Variants in CTNNA2 observed in about 807,000 individuals in gnomAD.
CTNNA2 encodes catenin alpha-2.
CTNNA2 carries 42 observed loss-of-function variants against 101.0 expected under a neutral mutation model. The observed-to-expected ratio is 0.42, with a 90% CI of 0.32 to 0.54. The LOEUF (loss-of-function observed/expected upper bound fraction) is 0.54. Ranked by LOEUF, CTNNA2 falls within the 20% of genes least tolerant of loss-of-function variation. The pLI is 0.14. For synonymous variants in CTNNA2, 450 were observed against 456.4 expected, an observed-to-expected ratio of 0.99 and a Z score of 0.18; for missense variants, 871 against 1,223.1, an observed-to-expected ratio of 0.71 and a Z score of 4.29.
At chr2:79,414,297 A>G (rs1001202160) in intron 4 of CTNNA2, among the ~76,000 whole-genome samples, 3 of 152,048 alleles carry the variant, frequency 2.0e-5, no homozygotes, top group Admixed American at 2.0e-4. Flanking sequence ...ATGGTAAGGG[A>G]ATTAAGCATG....
At position 79,870,153 on chromosome 2, in the gene CTNNA2, T is replaced by C. The variant is rs3755095; in HGVS notation, c.585+218T>C. 0.24 allele frequency among the ~76,000 whole-genome samples: 35,748 copies of C among 152,020 alleles called. 6,341 individuals are homozygous for C. The highest frequency in any genetic ancestry group is 0.65 in the East Asian group (3,363 of 5,142). Reference sequence around the variant, plus strand: ...CCACCTATAAGCAGGCCACAGATTATTTGCTTCACTGGTGGACCCACCCTG... The same window carrying C: ...CCACCTATAAGCAGGCCACAGATTACTTGCTTCACTGGTGGACCCACCCTG... On this transcript the variant is annotated intron_variant, in intron 5 of 18. Transcript: ENST00000402739.
At chr2:79,523,269 T>TG in intron 1 of CTNNA2, 1 of 449,860 alleles carries the variant, frequency 2.2e-6, no homozygotes, top group South Asian at 1.6e-5. Context: ...AGATTGATTT[T>TG]GGGGGCCCCA....
intron 18 of CTNNA2, among the ~76,000 whole-genome samples, chr2:80,620,889 C>T (rs532952381): frequency 1.3e-5 from 2 of 152,042 alleles, no homozygotes; most frequent in African/African-American, 4.8e-5. Flanking sequence ...TGCGCTTGTG[C>T]AAATTCAGAG....
At chr2:79,842,542 T>C (rs1289730665) in intron 3 of CTNNA2, among the ~76,000 whole-genome samples, 1 of 152,192 alleles carries the variant, frequency 6.6e-6, no homozygotes. Context: ...CCTTGTGTTA[T>C]AAGTTTTTCT....
chr2:80,619,481 C>T (rs1435212914), intron 18 of CTNNA2, among the ~76,000 whole-genome samples: 1 of 151,836 alleles, frequency 6.6e-6, no homozygotes, highest in Non-Finnish European at 1.5e-5. Context: ...TCTTTCTTCC[C>T]ATTGGGACTG....
At chr2:79,187,581 C>A (rs949677817) in intron 1 of CTNNA2, among the ~76,000 whole-genome samples, 1 of 152,118 alleles carries the variant, frequency 6.6e-6, no homozygotes, top group Non-Finnish European at 1.5e-5. Context: ...CTATTCAATC[C>A]TTTTGAGTCA....
intron 7 of CTNNA2, among the ~76,000 whole-genome samples, chr2:80,217,931 C>A (rs1306155830): frequency 2.6e-5 from 4 of 152,190 alleles, no homozygotes; most frequent in Admixed American, 6.5e-5. Flanking sequence ...GCAAAAGGAT[C>A]TCATTTATTA....
intron 9 of CTNNA2, among the ~76,000 whole-genome samples, chr2:80,422,734 G>T (rs954863252): frequency 6.6e-5 from 10 of 152,000 alleles, no homozygotes; most frequent in African/African-American, 2.2e-4. Flanking sequence ...CAGAGGAATT[G>T]ATATCAAAGT....
intron 4 of CTNNA2, among the ~76,000 whole-genome samples, chr2:79,388,898 A>T (rs951829409): frequency 6.6e-6 from 1 of 152,124 alleles, no homozygotes; most frequent in African/African-American, 2.4e-5. Flanking sequence ...TTTCCCTGCA[A>T]CATAAAAATT....
At chr2:79,550,801 A>G (rs1188119664) in intron 1 of CTNNA2, among the ~76,000 whole-genome samples, 1 of 152,158 alleles carries the variant, frequency 6.6e-6, no homozygotes, top group African/African-American at 2.4e-5. Context: ...TAAGACATAG[A>G]TGAGAAACCT....
At chr2:79,238,742 A>G (rs918614353) in intron 2 of CTNNA2, among the ~76,000 whole-genome samples, 2 of 152,208 alleles carry the variant, frequency 1.3e-5, no homozygotes, top group African/African-American at 4.8e-5. Context: ...GTGTTTTAAG[A>G]TTATGTTGTT....
At chr2:80,373,721 G>T (rs1050249547) in intron 7 of CTNNA2, among the ~76,000 whole-genome samples, 1 of 152,180 alleles carries the variant, frequency 6.6e-6, no homozygotes, top group Non-Finnish European at 1.5e-5. Context: ...GAGAAAGCCT[G>T]AGGAAACCAG....
chr2:79,337,626 T>C (rs1489074648), intron 3 of CTNNA2, among the ~76,000 whole-genome samples: 1 of 152,198 alleles, frequency 6.6e-6, no homozygotes, highest in Non-Finnish European at 1.5e-5. Context: ...AGAGAAGTTA[T>C]ATAGATTCTC....
At chr2:80,381,019 T>A (rs1414189885) in intron 7 of CTNNA2, among the ~76,000 whole-genome samples, 2 of 152,078 alleles carry the variant, frequency 1.3e-5, no homozygotes, top group Non-Finnish European at 2.9e-5. Context: ...AAAGTTTTCA[T>A]TGGTTCCAAG....
At chr2:79,983,854 G>T (rs113859757) in intron 7 of CTNNA2, among the ~76,000 whole-genome samples, 151 of 152,172 alleles carry the variant, frequency 9.9e-4, no homozygotes, top group Middle Eastern at 6.8e-3. Context: ...GAATGTTGAA[G>T]GGCTAGCCTG....
chr2:79,347,400 A>C (rs1318272048), intron 3 of CTNNA2, among the ~76,000 whole-genome samples: 1 of 152,214 alleles, frequency 6.6e-6, no homozygotes, highest in Non-Finnish European at 1.5e-5. Context: ...GGTTAAATGA[A>C]GATAATAATA....
intron 2 of CTNNA2, among the ~76,000 whole-genome samples, chr2:79,703,070 G>A (rs2104766460): frequency 6.6e-6 from 1 of 152,314 alleles, no homozygotes; most frequent in South Asian, 2.1e-4. Context: ...GTTGTGTCCA[G>A]ACATCTAAAA....
intron 7 of CTNNA2, among the ~76,000 whole-genome samples, chr2:80,357,653 A>G (rs1245341696): frequency 1.3e-5 from 2 of 152,140 alleles, no homozygotes; most frequent in Non-Finnish European, 2.9e-5. Context: ...AGGCCTGCAT[A>G]CTAAAGACAG....
chr2:80,314,486 A>G (rs1232879368), intron 7 of CTNNA2, among the ~76,000 whole-genome samples: 1 of 152,200 alleles, frequency 6.6e-6, no homozygotes, highest in African/African-American at 2.4e-5. Flanking sequence ...CCCCTAGTCC[A>G]TAGCAAGCAG....
Sources: gnomAD v4.1 joint callset for allele counts (sites outside exome capture counted in the v4.1 genomes callset) on GRCh38, gnomAD v4.1.1 for gene constraint, MANE v1.5 for transcripts, NCBI Gene and HGNC (gene_info 2026-07-23, HGNC 2026-07-21) for gene names.